Variants in GALNTL6 observed in about 807,000 individuals in gnomAD.
GALNTL6 encodes polypeptide N-acetylgalactosaminyltransferase like 6.
GALNTL6 carries 46 observed loss-of-function variants against 73.7 expected under a neutral mutation model. The ratio of observed to expected loss-of-function variants is 0.62; its 90% confidence interval spans 0.49 to 0.80. The LOEUF is 0.80. GALNTL6 is among the 30% of genes least tolerant of loss of function. GALNTL6 has a pLI of 0.00. For synonymous variants in GALNTL6, 259 were observed against 263.7 expected (o/e 0.98, Z 0.17); for missense variants, 604 against 755.0 (o/e 0.80, Z 2.34).
rs544995131 is a variant in GALNTL6 at position 172,194,928 on chromosome 4, T to C, written c.139-34728T>C. Among the ~76,000 whole-genome samples the C allele has an allele frequency of 1.3e-3, 201 of 152,226 alleles. 1 individual carries two copies. Among genetic ancestry groups the C allele is most frequent in the Middle Eastern group, 0.01 (3 of 294 alleles). On this transcript the variant is annotated intron_variant, in intron 2 of 12. Transcript: ENST00000506823. ...GCCAGCTAGTATCATGATGACAGGA[T>C]CAAATTTATGCATAATAATATTAAC...
intron 2 of GALNTL6, among the ~76,000 whole-genome samples, chr4:171,934,357 C>A (rs887178282): frequency 4.6e-5 from 7 of 152,072 alleles, no homozygotes; most frequent in Non-Finnish European, 8.8e-5. Flanking sequence ...TTGGTAAAAC[C>A]AGGAAGTAAA....
chr4:172,303,967 AGG>A, intron 3 of GALNTL6, among the ~76,000 whole-genome samples: 1 of 152,266 alleles, frequency 6.6e-6, no homozygotes, highest in South Asian at 2.1e-4. Flanking sequence ...TTCATTTCAG[AGG>A]GGAACAAATC....
chr4:172,615,189 TAAA>T lies in GALNTL6; in HGVS notation c.554-194159_554-194157del, dbSNP rs34080019. ...CATGCTGTTAATAAGGCAGGTAGTT[TAAA>T]AAAAAAAAAAAAGACTAGTCTAATA... On this transcript the variant is annotated intron_variant, in intron 5 of 12. Coordinates refer to ENST00000506823, the MANE Select transcript of GALNTL6 (RefSeq NM_001034845.3). Among the ~76,000 whole-genome samples, 14 of 147,074 alleles carry T rather than the reference TAAA, an allele frequency of 9.5e-5. No individual in the cohort carries two copies. The East Asian group carries it at 1.4e-3, about 15-fold the overall frequency.
At chr4:172,503,630 C>T (rs1252253070) in intron 5 of GALNTL6, among the ~76,000 whole-genome samples, 2 of 148,856 alleles carry the variant, frequency 1.3e-5, no homozygotes, top group African/African-American at 2.5e-5. Context: ...AATACAGATA[C>T]TTAAAAAATG....
intron 12 of GALNTL6, among the ~76,000 whole-genome samples, chr4:173,032,467 A>T (rs1293126486): frequency 6.6e-6 from 1 of 151,534 alleles, no homozygotes; most frequent in African/African-American, 2.4e-5. Context: ...AAAAAAAAAA[A>T]GTTATATACG....
intron 2 of GALNTL6, among the ~76,000 whole-genome samples, chr4:172,094,672 T>TA (rs1431566739): frequency 2.6e-5 from 4 of 152,148 alleles, no homozygotes; most frequent in Admixed American, 6.6e-5. Flanking sequence ...AACCATGGTT[T>TA]ATTTGTATAG....
chr4:172,156,550 T>TATATATATATATATAATATATATATA, intron 2 of GALNTL6, among the ~76,000 whole-genome samples: 1 of 117,738 alleles, frequency 8.5e-6, no homozygotes, highest in South Asian at 2.3e-4. Context: ...AATATATATA[T>TATATATATATATATAATATATATATA]ATATATATAT....
intron 5 of GALNTL6, among the ~76,000 whole-genome samples, chr4:172,531,424 T>G (rs338040): frequency 0.99 from 150,927 of 152,296 alleles, 74,807 homozygotes; most frequent in Middle Eastern, 1. Context: ...CCAGTGCAAA[T>G]GGAAAATGCA....
At chr4:172,660,610 G>A (rs1253252625) in intron 5 of GALNTL6, among the ~76,000 whole-genome samples, 2 of 152,186 alleles carry the variant, frequency 1.3e-5, no homozygotes, top group East Asian at 3.9e-4. Flanking sequence ...TGTCATTCAT[G>A]TATTAAAAAC....
chr4:171,944,341 A>G (rs938852312), intron 2 of GALNTL6, among the ~76,000 whole-genome samples: 4 of 152,026 alleles, frequency 2.6e-5, no homozygotes, highest in African/African-American at 9.7e-5. Flanking sequence ...TACTTTCCTT[A>G]GGATATTGCT....
intron 2 of GALNTL6, among the ~76,000 whole-genome samples, chr4:171,994,528 G>A (rs185445429): frequency 1.5e-4 from 23 of 152,096 alleles, no homozygotes; most frequent in Admixed American, 9.9e-4. Context: ...GGAAGGTTGG[G>A]AGGAGGATGA....
intron 10 of GALNTL6, among the ~76,000 whole-genome samples, chr4:172,959,706 G>A (rs1265901676): frequency 6.6e-6 from 1 of 152,160 alleles, no homozygotes; most frequent in Non-Finnish European, 1.5e-5. Context: ...GGGGCTCTGG[G>A]AGTGGCTGCC....
chr4:172,433,653 C>A (rs578109665), intron 5 of GALNTL6, among the ~76,000 whole-genome samples: 1 of 152,212 alleles, frequency 6.6e-6, no homozygotes, highest in Non-Finnish European at 1.5e-5. Flanking sequence ...TCCCCATCTA[C>A]TCTTCATTCC....
chr4:172,457,650 A>G (rs765779060), intron 5 of GALNTL6, among the ~76,000 whole-genome samples: 20 of 152,164 alleles, frequency 1.3e-4, no homozygotes, highest in Non-Finnish European at 2.6e-4. Context: ...ATGCAACAAG[A>G]AGAGCTAACT....
chr4:172,421,489 A>C (rs1214578149), intron 5 of GALNTL6, among the ~76,000 whole-genome samples: 1 of 151,944 alleles, frequency 6.6e-6, no homozygotes, highest in Non-Finnish European at 1.5e-5. Flanking sequence ...GCTAAGAGAG[A>C]AAAATAAGGG....
intron 5 of GALNTL6, among the ~76,000 whole-genome samples, chr4:172,623,786 A>T (rs1739054034): frequency 6.6e-6 from 1 of 152,136 alleles, no homozygotes; most frequent in Non-Finnish European, 1.5e-5. Context: ...TGTGTGAACT[A>T]GGTTTTGGTC....
At chr4:172,627,236 C>T (rs933245342) in intron 5 of GALNTL6, among the ~76,000 whole-genome samples, 1 of 152,092 alleles carries the variant, frequency 6.6e-6, no homozygotes, top group African/African-American at 2.4e-5. Flanking sequence ...GCTGTTTCTG[C>T]ATTTATTCAG....
intron 5 of GALNTL6, among the ~76,000 whole-genome samples, chr4:172,472,411 G>T (rs990162224): frequency 6.6e-6 from 1 of 152,124 alleles, no homozygotes; most frequent in African/African-American, 2.4e-5. Flanking sequence ...TTGTGAAACA[G>T]GTAGTGTATC....
At chr4:172,961,376 G>A (rs954563013) in intron 10 of GALNTL6, among the ~76,000 whole-genome samples, 3 of 151,962 alleles carry the variant, frequency 2.0e-5, no homozygotes, top group African/African-American at 7.3e-5. Context: ...TCCCAGAAAA[G>A]CAGAGAAGGT....
Sources: gnomAD v4.1 joint callset for allele counts (sites outside exome capture counted in the v4.1 genomes callset) on GRCh38, gnomAD v4.1.1 for gene constraint, MANE v1.5 for transcripts, NCBI Gene and HGNC (gene_info 2026-07-23, HGNC 2026-07-21) for gene names.